Variants in HS6ST3 observed in about 807,000 individuals in gnomAD.
HS6ST3 encodes the protein heparan-sulfate 6-O-sulfotransferase 3.
In HS6ST3, 12 loss-of-function variants were observed where a neutral mutation model predicts 36.7. The ratio of observed to expected loss-of-function variants is 0.33; its 90% confidence interval spans 0.21 to 0.53. The LOEUF (loss-of-function observed/expected upper bound fraction) is 0.53, where lower values mean the gene tolerates loss of function less well. HS6ST3 is among the 20% of genes least tolerant of loss of function. HS6ST3 has a pLI of 0.95. For missense variants in HS6ST3, 584 were observed against 640.9 expected (o/e 0.91, Z 0.96); for synonymous variants, 240 against 257.5 (o/e 0.93, Z 0.65).
At chr13:96,723,723 T>A (rs1426270010) in intron 1 of HS6ST3, among the ~76,000 whole-genome samples, 1 of 152,248 alleles carries the variant, frequency 6.6e-6, no homozygotes, top group African/African-American at 2.4e-5. Flanking sequence ...AAGTGCCTTC[T>A]CTTTCTCTAC....
chr13:96,120,722 A>G lies in HS6ST3; in HGVS notation c.707+29153A>G, dbSNP rs1052914855. On this transcript the variant is annotated intron_variant, in intron 1 of 1. Coordinates refer to ENST00000376705, the MANE Select transcript of HS6ST3 (RefSeq NM_153456.4). Reference sequence around the variant, plus strand: ...GCATCTATGTCACCTAATAAAAAACACAATTATAAACTTTTGTTTTTCAGT... The same window carrying G: ...GCATCTATGTCACCTAATAAAAAACGCAATTATAAACTTTTGTTTTTCAGT... 2.6e-5 allele frequency among the ~76,000 whole-genome samples: 4 copies of G among 152,314 alleles called. No homozygotes were observed. In the South Asian group the frequency reaches 6.2e-4, roughly 24 times the overall value.
chr13:96,220,027 C>T (rs1223766900), intron 1 of HS6ST3, among the ~76,000 whole-genome samples: 1 of 152,170 alleles, frequency 6.6e-6, no homozygotes, highest in Non-Finnish European at 1.5e-5. Context: ...ACTTCATTCG[C>T]TCGTTCATTC....
chr13:96,643,227 G>A (rs1455714570), intron 1 of HS6ST3, among the ~76,000 whole-genome samples: 1 of 151,872 alleles, frequency 6.6e-6, no homozygotes, highest in East Asian at 1.9e-4. Flanking sequence ...TCCAATTTTT[G>A]CTGAGCTTGG....
intron 1 of HS6ST3, among the ~76,000 whole-genome samples, chr13:96,748,947 C>T (rs982412451): frequency 5.9e-5 from 9 of 152,102 alleles, no homozygotes; most frequent in Non-Finnish European, 1.3e-4. Context: ...AACCCCTGCC[C>T]TTCCTATTAT....
intron 1 of HS6ST3, among the ~76,000 whole-genome samples, chr13:96,363,627 T>A (rs1421546908): frequency 6.6e-6 from 1 of 152,326 alleles, no homozygotes; most frequent in African/African-American, 2.4e-5. Context: ...TGGTTACATT[T>A]ATTCAATAGC....
chr13:96,703,025 A>T (rs1188557978), intron 1 of HS6ST3, among the ~76,000 whole-genome samples: 1 of 152,252 alleles, frequency 6.6e-6, no homozygotes, highest in Non-Finnish European at 1.5e-5. Context: ...TGCCTTATAA[A>T]GTGATGGAAT....
At chr13:96,563,097 A>C (rs1343906176) in intron 1 of HS6ST3, among the ~76,000 whole-genome samples, 1 of 151,836 alleles carries the variant, frequency 6.6e-6, no homozygotes, top group Non-Finnish European at 1.5e-5. Context: ...TTCAACCTAT[A>C]CCATATTTTC....
chr13:96,242,834 T>G (rs910777474), intron 1 of HS6ST3, among the ~76,000 whole-genome samples: 1 of 152,174 alleles, frequency 6.6e-6, no homozygotes. Context: ...TTGCTTCTTT[T>G]CAATTCTAAA....
chr13:96,612,431 C>T (rs1014465099), intron 1 of HS6ST3, among the ~76,000 whole-genome samples: 3 of 152,034 alleles, frequency 2.0e-5, no homozygotes, highest in African/African-American at 7.2e-5. Context: ...ACTTATGTGT[C>T]CTCACTCATT....
chr13:96,228,657 G>A (rs2054492700), intron 1 of HS6ST3, among the ~76,000 whole-genome samples: 1 of 152,218 alleles, frequency 6.6e-6, no homozygotes, highest in African/African-American at 2.4e-5. Flanking sequence ...CAATGGGCCA[G>A]TGTTGGTCCA....
intron 1 of HS6ST3, among the ~76,000 whole-genome samples, chr13:96,436,018 T>TCTTG (rs1177969611): frequency 1.5e-4 from 23 of 152,340 alleles, no homozygotes; most frequent in African/African-American, 5.5e-4. Context: ...GGAAAGAAGA[T>TCTTG]CTTGCTCTTT....
chr13:96,210,155 T>A (rs1014387992), intron 1 of HS6ST3, among the ~76,000 whole-genome samples: 1 of 152,232 alleles, frequency 6.6e-6, no homozygotes, highest in Non-Finnish European at 1.5e-5. Flanking sequence ...TAAATATGCC[T>A]GCTAATATTG....
intron 1 of HS6ST3, among the ~76,000 whole-genome samples, chr13:96,225,624 G>A (rs1239183172): frequency 6.6e-6 from 1 of 152,152 alleles, no homozygotes; most frequent in Non-Finnish European, 1.5e-5. Context: ...GTCTATGATA[G>A]AACATTTTAT....
chr13:96,386,644 A>G (rs2055369861), intron 1 of HS6ST3, among the ~76,000 whole-genome samples: 1 of 152,114 alleles, frequency 6.6e-6, no homozygotes, highest in Admixed American at 6.6e-5. Context: ...AGGTGGGTGG[A>G]TCACAAGGTC....
At chr13:96,563,311 T>G (rs991390178) in intron 1 of HS6ST3, among the ~76,000 whole-genome samples, 1 of 152,068 alleles carries the variant, frequency 6.6e-6, no homozygotes, top group African/African-American at 2.4e-5. Flanking sequence ...AGAAATAAAC[T>G]TAAAAAGAAA....
chr13:96,614,584 G>C (rs2056467811), intron 1 of HS6ST3, among the ~76,000 whole-genome samples: 1 of 152,086 alleles, frequency 6.6e-6, no homozygotes, highest in African/African-American at 2.4e-5. Flanking sequence ...TGTATGAGTT[G>C]ATCTTTCATG....
intron 1 of HS6ST3, among the ~76,000 whole-genome samples, chr13:96,544,416 T>C (rs955758514): frequency 6.6e-6 from 1 of 152,146 alleles, no homozygotes; most frequent in African/African-American, 2.4e-5. Context: ...TGTGGAAGAA[T>C]GAGTTGGTAG....
At chr13:96,113,813 A>G (rs2139301800) in intron 1 of HS6ST3, among the ~76,000 whole-genome samples, 1 of 152,304 alleles carries the variant, frequency 6.6e-6, no homozygotes, top group African/African-American at 2.4e-5. Flanking sequence ...GACAGAAAGT[A>G]TATGCACTAA....
chr13:96,567,937 A>C (rs2056287450), intron 1 of HS6ST3, among the ~76,000 whole-genome samples: 2 of 152,208 alleles, frequency 1.3e-5, no homozygotes, highest in Non-Finnish European at 2.9e-5. Flanking sequence ...GCCATTTCTC[A>C]CCCACCAGAT....
Sources: gnomAD v4.1 joint callset for allele counts (sites outside exome capture counted in the v4.1 genomes callset) on GRCh38, gnomAD v4.1.1 for gene constraint, MANE v1.5 for transcripts, NCBI Gene and HGNC (gene_info 2026-07-23, HGNC 2026-07-21) for gene names.